ADCK1: variants seen among roughly 807,000 people sequenced by gnomAD.
ADCK1 encodes aarF domain containing kinase 1.
A neutral mutation model predicts 52.3 loss-of-function variants in ADCK1; 41 were observed. The observed-to-expected ratio is 0.78, with a 90% CI of 0.61 to 1.02. ADCK1 has a LOEUF of 1.02. Ranked by LOEUF, ADCK1 falls within the 50% of genes least tolerant of loss-of-function variation. ADCK1 has a pLI of 0.00. For synonymous variants in ADCK1, 250 were observed against 274.6 expected (o/e 0.91, Z 0.89); for missense variants, 658 against 679.5 (o/e 0.97, Z 0.35).
intron 6 of ADCK1, among the ~76,000 whole-genome samples, chr14:77,900,949 G>A (rs527980419): frequency 5.9e-5 from 9 of 152,208 alleles, no homozygotes; most frequent in African/African-American, 2.2e-4. Context: ...TGAGAAGTAC[G>A]GCTTCTACAT....
chr14:77,899,362 C>T, intron 6 of ADCK1, 104 bp downstream of exon 6: 4 of 1,449,048 alleles, frequency 2.8e-6, no homozygotes, highest in Middle Eastern at 3.9e-4. Context: ...ATTGGGACAT[C>T]TTCTTCCTGA....
At chr14:77,888,007 C>T (rs983679701) in intron 5 of ADCK1, among the ~76,000 whole-genome samples, 1 of 152,220 alleles carries the variant, frequency 6.6e-6, no homozygotes, top group Non-Finnish European at 1.5e-5. Context: ...GGGTCTTCTG[C>T]ACCCTATGCT....
intron 7 of ADCK1, among the ~76,000 whole-genome samples, chr14:77,918,060 G>T (rs1291274257): frequency 6.6e-6 from 1 of 152,190 alleles, no homozygotes; most frequent in Non-Finnish European, 1.5e-5. Flanking sequence ...AGTGAGTGCT[G>T]AATCTGTTAG....
intron 4 of ADCK1, among the ~76,000 whole-genome samples, chr14:77,867,140 G>A (rs1419779900): frequency 6.6e-6 from 1 of 152,174 alleles, no homozygotes; most frequent in Non-Finnish European, 1.5e-5. Context: ...GTCCAGCTGA[G>A]GTCAGCTCAC....
At chr14:77,814,139 C>G (rs374151750) in intron 1 of ADCK1, among the ~76,000 whole-genome samples, 9 of 150,600 alleles carry the variant, frequency 6.0e-5, no homozygotes, top group African/African-American at 2.0e-4. Context: ...GGTGCAGTGG[C>G]GCAATCTCAG....
At chr14:77,905,503 G>T (rs916333164) in intron 6 of ADCK1, among the ~76,000 whole-genome samples, 1 of 151,144 alleles carries the variant, frequency 6.6e-6, no homozygotes, top group Non-Finnish European at 1.5e-5. Flanking sequence ...CCAGCCCCTC[G>T]CTGTTTTTTA....
chr14:77,849,087 C>T (rs1202650310), intron 3 of ADCK1, among the ~76,000 whole-genome samples: 5 of 152,130 alleles, frequency 3.3e-5, no homozygotes, highest in African/African-American at 1.2e-4. Context: ...CTCGGCCTCC[C>T]AAAGTGCTGG....
chr14:77,826,276 T>C lies in ADCK1; in HGVS notation c.219+3758T>C, dbSNP rs533581621. ...TGGAGCGCTTATCCCTTCTCGTCAG[T>C]GTGGCTGATAAAGGAATGAGTGAAG... On this transcript the variant is annotated intron_variant, in intron 3 of 10. Coordinates refer to ENST00000238561, the MANE Select transcript of ADCK1 (RefSeq NM_020421.4). 2.6e-5 allele frequency among the ~76,000 whole-genome samples: 4 copies of C among 152,208 alleles called. No homozygotes were observed. In the South Asian group the frequency reaches 6.2e-4, roughly 24 times the overall value.
At chr14:77,902,086 C>T (rs1452849981) in intron 6 of ADCK1, among the ~76,000 whole-genome samples, 1 of 152,142 alleles carries the variant, frequency 6.6e-6, no homozygotes, top group Non-Finnish European at 1.5e-5. Context: ...GTCCTTTTGG[C>T]TTTTGAAGAC....
At chr14:77,870,838 C>T (rs1318060643) in intron 4 of ADCK1, among the ~76,000 whole-genome samples, 2 of 152,214 alleles carry the variant, frequency 1.3e-5, no homozygotes, top group African/African-American at 2.4e-5. Context: ...TCGTGGCCTT[C>T]CCTCTCTTCT....
At chr14:77,854,808 A>T (rs185315287) in intron 3 of ADCK1, among the ~76,000 whole-genome samples, 7 of 152,058 alleles carry the variant, frequency 4.6e-5, no homozygotes, top group Admixed American at 1.3e-4. Context: ...ATCCACCTGC[A>T]TTGGCTCCCC....
At chr14:77,928,030 TGAGAGATGACA>T (rs930040276) in intron 9 of ADCK1, among the ~76,000 whole-genome samples, 3 of 152,068 alleles carry the variant, frequency 2.0e-5, no homozygotes, top group Non-Finnish European at 4.4e-5. Flanking sequence ...GACTCCAGGT[TGAGAGATGACA>T]GGGGCTCAGG....
chr14:77,875,698 C>T (rs571509866), intron 4 of ADCK1, among the ~76,000 whole-genome samples: 7 of 152,156 alleles, frequency 4.6e-5, no homozygotes, highest in South Asian at 4.2e-4. Context: ...TGCACGTGAG[C>T]GGCAGAGGAA....
At chr14:77,847,404 T>G (rs1229705996) in intron 3 of ADCK1, among the ~76,000 whole-genome samples, 12 of 151,980 alleles carry the variant, frequency 7.9e-5, no homozygotes, top group Non-Finnish European at 1.8e-4. Flanking sequence ...AACCCCATCT[T>G]TACTAAAATA....
At chr14:77,819,180 G>T in intron 2 of ADCK1, 67 bp downstream of exon 2, 1 of 1,598,126 alleles carries the variant, frequency 6.3e-7, no homozygotes, top group Non-Finnish European at 8.6e-7. Context: ...CATACATGTA[G>T]CAGATAGACA....
At chr14:77,809,735 GTTTAAAA>G (rs1555346071) in intron 1 of ADCK1, among the ~76,000 whole-genome samples, 1 of 150,698 alleles carries the variant, frequency 6.6e-6, no homozygotes, top group Non-Finnish European at 1.5e-5. Context: ...AATAAATGAG[GTTTAAAA>G]TCACAAGAGA....
intron 4 of ADCK1, among the ~76,000 whole-genome samples, chr14:77,881,208 A>G (rs2083014635): frequency 6.6e-6 from 1 of 152,224 alleles, no homozygotes; most frequent in African/African-American, 2.4e-5. Context: ...TTGCAGTCCT[A>G]TGGAGGCCTG....
At chr14:77,832,127 G>A (rs1436965141) in intron 3 of ADCK1, among the ~76,000 whole-genome samples, 4 of 152,100 alleles carry the variant, frequency 2.6e-5, no homozygotes, top group Non-Finnish European at 5.9e-5. Context: ...ACTGGCGCAT[G>A]CCACCATGCC....
At chr14:77,910,118 A>C (rs1390909171) in intron 7 of ADCK1, among the ~76,000 whole-genome samples, 1 of 152,052 alleles carries the variant, frequency 6.6e-6, no homozygotes, top group African/African-American at 2.4e-5. Flanking sequence ...TCAATAACCC[A>C]TTCAAGGGCC....
Sources: allele counts gnomAD v4.1 joint callset (sites outside exome capture counted in the v4.1 genomes callset), GRCh38; gene constraint gnomAD v4.1.1; transcripts MANE v1.5; gene names NCBI Gene and HGNC (gene_info 2026-07-23, HGNC 2026-07-21).